The following SNX13 variants were observed in gnomAD, a reference collection of about 807,000 sequenced individuals.
The protein encoded by SNX13 is sorting nexin-13.
SNX13 carries 45 observed loss-of-function variants against 133.6 expected under a neutral mutation model. The ratio of observed to expected loss-of-function variants is 0.34; its 90% CI spans 0.27 to 0.43. SNX13 has a LOEUF of 0.43. Ranked by LOEUF, SNX13 falls within the 20% of genes least tolerant of loss-of-function variation. The pLI, the probability that SNX13 is intolerant of heterozygous loss-of-function variation, is 1.00. For synonymous variants in SNX13, 414 were observed against 373.9 expected (o/e 1.11, Z -1.24); for missense variants, 1,032 against 1,145.1 (o/e 0.90, Z 1.43).
At chr7:17,925,354 C>G (rs1489598918) in intron 1 of SNX13, among the ~76,000 whole-genome samples, 2 of 152,156 alleles carry the variant, frequency 1.3e-5, no homozygotes, top group Non-Finnish European at 2.9e-5. Context: ...AGATGCCCAA[C>G]TCTGTGAATA....
chr7:17,832,318 T>C, intron 15 of SNX13: 1 of 984,548 alleles, frequency 1.0e-6, no homozygotes, highest in South Asian at 4.7e-5. Flanking sequence ...AAGCTAGAAA[T>C]CCATTTAAAG....
chr7:17,862,651 G>A (rs532186591), intron 9 of SNX13, among the ~76,000 whole-genome samples: 1 of 152,248 alleles, frequency 6.6e-6, no homozygotes, highest in African/African-American at 2.4e-5. Context: ...TGGTTACATA[G>A]TATTCAATTG....
chr7:17,916,993 G>A (rs1177035109), intron 1 of SNX13, among the ~76,000 whole-genome samples: 3 of 152,200 alleles, frequency 2.0e-5, no homozygotes, highest in Non-Finnish European at 4.4e-5. Flanking sequence ...TTCTTGGCAT[G>A]CAAGGATGGT....
chr7:17,817,044 T>C (rs1057185518), intron 18 of SNX13, among the ~76,000 whole-genome samples: 2 of 152,218 alleles, frequency 1.3e-5, no homozygotes, highest in African/African-American at 4.8e-5. Context: ...TAAATATTGA[T>C]ACCTTTGCCC....
chr7:17,900,343 G>C (rs1258496007), intron 1 of SNX13: 1 of 152,356 alleles, frequency 6.6e-6, no homozygotes, highest in Non-Finnish European at 1.5e-5. Context: ...TGAAGCCCTA[G>C]GACTCTACAA....
intron 5 of SNX13, among the ~76,000 whole-genome samples, chr7:17,885,994 T>C (rs988535269): frequency 1.4e-4 from 22 of 152,266 alleles, no homozygotes; most frequent in African/African-American, 5.1e-4. Flanking sequence ...GCAAAGAATA[T>C]AAAATGGTAA....
intron 1 of SNX13, among the ~76,000 whole-genome samples, chr7:17,901,557 C>A (rs1797844307): frequency 6.6e-6 from 1 of 152,152 alleles, no homozygotes; most frequent in Non-Finnish European, 1.5e-5. Flanking sequence ...CTGGGTTCTG[C>A]CCAGTGGTGC....
At chr7:17,872,760 A>G (rs996245596) in intron 8 of SNX13, among the ~76,000 whole-genome samples, 2 of 152,264 alleles carry the variant, frequency 1.3e-5, no homozygotes, top group African/African-American at 4.8e-5. Context: ...TAAAGAGATC[A>G]TAAGCTTTTG....
intron 20 of SNX13, among the ~76,000 whole-genome samples, chr7:17,805,265 GCA>G (rs1491172769): frequency 2.5e-4 from 37 of 146,092 alleles, no homozygotes; most frequent in African/African-American, 7.5e-4. Flanking sequence ...GCGCGCGCGC[GCA>G]TGCATGCACA....
At chr7:17,855,713 C>G (rs1199440591) in intron 9 of SNX13, among the ~76,000 whole-genome samples, 1 of 152,246 alleles carries the variant, frequency 6.6e-6, no homozygotes, top group South Asian at 2.1e-4. Flanking sequence ...TTATTGCTCA[C>G]TGACAACACA....
chr7:17,917,756 C>T (rs1173419333), intron 1 of SNX13, among the ~76,000 whole-genome samples: 1 of 152,034 alleles, frequency 6.6e-6, no homozygotes, highest in African/African-American at 2.4e-5. Flanking sequence ...CAATTCCTAT[C>T]AAAGTGTCAA....
At chr7:17,895,451 A>G (rs571348393) in intron 2 of SNX13, among the ~76,000 whole-genome samples, 9 of 152,298 alleles carry the variant, frequency 5.9e-5, no homozygotes, top group African/African-American at 2.2e-4. Context: ...AGCAAAATAT[A>G]GACATTATCA....
chr7:17,847,677 C>T (rs1046640342), intron 11 of SNX13, among the ~76,000 whole-genome samples: 3 of 152,160 alleles, frequency 2.0e-5, no homozygotes, highest in African/African-American at 7.2e-5. Flanking sequence ...TCCTTTAGGG[C>T]AAAACTTCTC....
chr7:17,875,176 T>G (rs542830356), intron 7 of SNX13, among the ~76,000 whole-genome samples: 2 of 152,110 alleles, frequency 1.3e-5, no homozygotes, highest in East Asian at 3.9e-4. Flanking sequence ...CCATGTTGCC[T>G]AGGCTGGTCT....
At chr7:17,891,150 T>A (rs1448721115) in intron 4 of SNX13, among the ~76,000 whole-genome samples, 1 of 151,986 alleles carries the variant, frequency 6.6e-6, no homozygotes, top group Non-Finnish European at 1.5e-5. Flanking sequence ...TTTTTTTACC[T>A]ATCTCTAATT....
At chr7:17,803,755 C>T (rs577613855) in intron 20 of SNX13, among the ~76,000 whole-genome samples, 175 bp from the exon 21 acceptor site, 12 of 151,892 alleles carry the variant, frequency 7.9e-5, no homozygotes, top group African/African-American at 2.4e-4. Flanking sequence ...GTCTTAAAAA[C>T]GTATTTTCAG....
chr7:17,938,043 C>A (rs934246854), intron 1 of SNX13, among the ~76,000 whole-genome samples: 2 of 151,968 alleles, frequency 1.3e-5, no homozygotes, highest in Non-Finnish European at 2.9e-5. Flanking sequence ...CTAGCAGAAG[C>A]AATAAAAAGG....
chr7:17,914,082 C>G (rs1273757980), intron 1 of SNX13, among the ~76,000 whole-genome samples: 1 of 150,280 alleles, frequency 6.7e-6, no homozygotes, highest in East Asian at 2.0e-4. Flanking sequence ...TGAAAAATTT[C>G]AAAATACAGT....
chr7:17,870,331 G>A lies in SNX13; in HGVS notation c.754-1841C>T, dbSNP rs183147272. 1.6e-3 allele frequency among the ~76,000 whole-genome samples: 249 copies of A among 152,082 alleles called. 2 individuals carry two copies. The highest frequency in any genetic ancestry group is 5.4e-3 in the African/African-American group (226 of 41,468). On this transcript the variant is annotated intron_variant, in intron 8 of 25. Coordinates refer to ENST00000428135, the MANE Select transcript of SNX13 (RefSeq NM_015132.5). ...GTACAAAGAAAATTAAAACTCTTTCGTCTGTTATTTAATCTAAACAAAAAT... is the reference window on the plus strand; with the variant it reads ...GTACAAAGAAAATTAAAACTCTTTCATCTGTTATTTAATCTAAACAAAAAT...
Sources: gnomAD v4.1 joint callset for allele counts (sites outside exome capture counted in the v4.1 genomes callset) on GRCh38, gnomAD v4.1.1 for gene constraint, MANE v1.5 for transcripts, NCBI Gene and HGNC (gene_info 2026-07-23, HGNC 2026-07-21) for gene names.